The following RACGAP1 variants were observed in gnomAD, a reference collection of about 807,000 sequenced individuals.
The protein encoded by RACGAP1 is Rac GTPase activating protein 1.
Under a neutral mutation model 78.1 loss-of-function variants are expected in RACGAP1, and 30 were observed. That is an observed-to-expected ratio of 0.38 (90% confidence interval 0.29 to 0.52). RACGAP1 has a LOEUF of 0.52. RACGAP1 is among the 20% of genes least tolerant of loss of function. The pLI, the probability that RACGAP1 is intolerant of heterozygous loss-of-function variation, is 0.82. For synonymous variants in RACGAP1, 231 were observed against 264.8 expected, an observed-to-expected ratio of 0.87 and a Z score of 1.24; for missense variants, 587 against 777.1, an observed-to-expected ratio of 0.76 and a Z score of 2.91.
intron 1 of RACGAP1, among the ~76,000 whole-genome samples, chr12:50,020,017 CT>C (rs1949917973): frequency 6.6e-6 from 1 of 152,128 alleles, no homozygotes; most frequent in African/African-American, 2.4e-5. Flanking sequence ...GTTTTCCCCC[CT>C]AGGCTGTCTC....
At position 50,025,469 on chromosome 12, in the gene RACGAP1, C is replaced by G; in HGVS notation, c.-76G>C. 5 of 985,706 alleles carry G rather than the reference C, an allele frequency of 5.1e-6. No individual in the cohort carries two copies. Among genetic ancestry groups the G allele is most frequent in the Non-Finnish European group, 6.0e-6 (5 of 830,150 alleles). The allele number at this position is 985,706 out of a possible 1,614,324, so 61.1% of individuals were successfully genotyped here. A position where few individuals can be genotyped will look rare whatever the true frequency, so the allele number is the denominator to read the frequency against. On this transcript the variant is annotated 5_prime_UTR_variant, in exon 1 of 17. Transcript: ENST00000312377. ...GCCTCACCCAACGGCAGAGCAGCGC[C>G]GCGCCCACAGCTCCGGTTTGAAAAC...
At chr12:49,999,094 C>T (rs1476140891) in intron 9 of RACGAP1, 47 bp downstream of exon 9, 1 of 1,542,342 alleles carries the variant, frequency 6.5e-7, no homozygotes, top group South Asian at 1.3e-5. Context: ...GTATTTATTA[C>T]TTTCACAATT....
At chr12:50,001,664 A>G (rs1452632756) in intron 6 of RACGAP1, among the ~76,000 whole-genome samples, 1 of 152,234 alleles carries the variant, frequency 6.6e-6, no homozygotes, top group Non-Finnish European at 1.5e-5. Flanking sequence ...AATTCATATG[A>G]CAATTCAAAA....
intron 2 of RACGAP1, among the ~76,000 whole-genome samples, chr12:50,008,620 G>A (rs1172112790): frequency 6.6e-6 from 1 of 151,980 alleles, no homozygotes; most frequent in Admixed American, 6.6e-5. Flanking sequence ...AGCTTCCTGA[G>A]TAACTGGGAC....
At chr12:50,015,160 A>G (rs1949588294) in intron 2 of RACGAP1, among the ~76,000 whole-genome samples, 1 of 151,820 alleles carries the variant, frequency 6.6e-6, no homozygotes, top group Admixed American at 6.6e-5. Flanking sequence ...GATTACAAGC[A>G]TGAGCCACTA....
At chr12:50,017,541 T>C (rs1050194748) in intron 1 of RACGAP1, among the ~76,000 whole-genome samples, 1 of 152,204 alleles carries the variant, frequency 6.6e-6, no homozygotes, top group East Asian at 1.9e-4. Flanking sequence ...CCAAATAGAC[T>C]TTAACTGGGA....
At chr12:50,016,210 C>T (rs1012026371) in intron 2 of RACGAP1, among the ~76,000 whole-genome samples, 10 of 151,880 alleles carry the variant, frequency 6.6e-5, no homozygotes, top group Non-Finnish European at 1.2e-4. Flanking sequence ...GGCAAAATCC[C>T]GTCTCTACTA....
chr12:50,024,801 A>G (rs905435356), intron 1 of RACGAP1, among the ~76,000 whole-genome samples: 7 of 151,830 alleles, frequency 4.6e-5, no homozygotes, highest in South Asian at 2.1e-4. Flanking sequence ...AAAAAAAAAA[A>G]GGGCTTATCT....
intron 4 of RACGAP1, among the ~76,000 whole-genome samples, chr12:50,004,718 C>T (rs1428520732): frequency 6.6e-6 from 1 of 152,202 alleles, no homozygotes; most frequent in Non-Finnish European, 1.5e-5. Flanking sequence ...TAAGCCTGTA[C>T]ATCTTCTTAG....
intron 2 of RACGAP1, among the ~76,000 whole-genome samples, chr12:50,031,100 A>C (rs966391557): frequency 1.5e-4 from 23 of 152,060 alleles, no homozygotes; most frequent in African/African-American, 5.6e-4. Flanking sequence ...AACTTGAAAA[A>C]AAATGTTAAA....
chr12:50,025,340 C>G, intron 1 of RACGAP1, 58 bp downstream of exon 1: 1 of 985,848 alleles, frequency 1.0e-6, no homozygotes, highest in Non-Finnish European at 1.2e-6. Flanking sequence ...CACGAACACT[C>G]TGCTTCCTAT....
chr12:49,997,166 C>G lies in RACGAP1; in HGVS notation c.918G>C (p.Arg306=), dbSNP rs1173179704. 6 of 1,608,452 alleles carry G rather than the reference C, an allele frequency of 3.7e-6. No homozygotes were observed. In the South Asian group the frequency reaches 5.5e-5, roughly 15 times the overall value. The stretch of plus-strand genomic sequence containing the variant: ...TCAGAGATAATTTGCCAAATTTTAT[C>G]CGCTTTCCACATGGAACACAGGATT... The part of the protein sequence containing the change: ...KPESCVPCGK[R]IKFGKLSLKC... The change falls in exon 10 of 17, where the codon CGG becomes CGC. Residue 306 remains arginine (R), a synonymous_variant. Transcript: ENST00000312377.
chr12:49,992,971 G>A (rs533539674), intron 12 of RACGAP1, among the ~76,000 whole-genome samples: 32 of 152,188 alleles, frequency 2.1e-4, no homozygotes, highest in Non-Finnish European at 4.4e-4. Flanking sequence ...ATATTTAAGG[G>A]CCTACGATGT....
intron 1 of RACGAP1, among the ~76,000 whole-genome samples, chr12:50,023,324 A>T (rs535282162): frequency 6.6e-6 from 1 of 152,368 alleles, no homozygotes; most frequent in East Asian, 1.9e-4. Flanking sequence ...GTATAGGCTT[A>T]CCAGACTCAC....
intron 5 of RACGAP1, 49 bp from the exon 6 acceptor site, chr12:50,002,349 C>T: frequency 6.7e-7 from 1 of 1,498,048 alleles, no homozygotes; most frequent in Non-Finnish European, 9.2e-7. Flanking sequence ...TAGGCCATCC[C>T]TAAACCCTGT....
rs1197357619 is a variant in RACGAP1, at chr12:49,991,479, ATTTTTTTTTT to A, written c.1714+509_1714+518del. 7.9e-4 allele frequency among the ~76,000 whole-genome samples: 19 copies of A among 24,092 alleles called. 1 individual carries two copies. The highest frequency in any genetic ancestry group is 1.2e-3 in the Admixed American group (2 of 1,734). The allele number at this position is 24,092 out of a possible 152,430, so 15.8% of individuals were successfully genotyped here. A position where few individuals can be genotyped will look rare whatever the true frequency, so the allele number is the denominator to read the frequency against. On this transcript the variant is annotated intron_variant, in intron 15 of 16. Transcript: ENST00000312377. ...CTATTATATATATATATATATATATATTTTTTTTTTTTTTTTTTTTTTTTTTTTAGACAGA... is the reference window on the plus strand; with the variant it reads ...CTATTATATATATATATATATATATATTTTTTTTTTTTTTTTTTAGACAGA...
At chr12:50,025,243 C>T (rs1322104251) in intron 1 of RACGAP1, 155 bp downstream of exon 1, 2 of 948,882 alleles carry the variant, frequency 2.1e-6, no homozygotes, top group African/African-American at 3.5e-5. Flanking sequence ...ACCCCCACCC[C>T]AGAAAAGCCC....
Position 50,025,426 on chromosome 12 carries a change from C to T in RACGAP1, c.-33G>A. On this transcript the variant is annotated 5_prime_UTR_variant, in exon 1 of 17. In the 5' UTR this introduces an upstream ATG that the reference lacks. Coordinates refer to ENST00000312377, the MANE Select transcript of RACGAP1 (RefSeq NM_001319999.2). ...AGTCAGCCTGGCCCCACCTGGGCCA[C>T]CCTTCACTTCGCTCCGCGCCTCACC... The T allele has an allele frequency of 1.0e-6, 1 of 985,722 alleles. No homozygotes were observed. Among genetic ancestry groups the T allele is most frequent in the South Asian group, 4.7e-5 (1 of 21,304 alleles). 61.1% of individuals were successfully genotyped at this position (985,722 alleles called of 1,614,324 possible). A position where few individuals can be genotyped will look rare whatever the true frequency, so the allele number is the denominator to read the frequency against.
In RACGAP1 at chr12:49,990,755, C is replaced by G. The variant is rs918532119; in HGVS notation, c.1752G>C (p.Gln584His). The G allele has an allele frequency of 1.2e-6, 2 of 1,614,006 alleles. No individual in the cohort carries two copies. Among genetic ancestry groups the G allele is most frequent in the Middle Eastern group, 1.6e-4 (1 of 6,062 alleles). Residue 584 changes from glutamine to histidine, a missense_variant, in exon 16 of 17, where the codon CAG becomes CAC. Transcript: ENST00000312377. Reference sequence around the variant, plus strand: ...AACTAGATGAAGGAGTCTTGAGAAGCTGATGTTCAGGAGTGGTCACAGGTC... The same window carrying G: ...AACTAGATGAAGGAGTCTTGAGAAGGTGATGTTCAGGAGTGGTCACAGGTC... Reference protein sequence around the residue: ...LLGPVTTPEHQLLKTPSSSSL... With the variant: ...LLGPVTTPEHHLLKTPSSSSL...
Sources: allele counts gnomAD v4.1 joint callset (sites outside exome capture counted in the v4.1 genomes callset), GRCh38; gene constraint gnomAD v4.1.1; transcripts MANE v1.5; gene names NCBI Gene and HGNC (gene_info 2026-07-23, HGNC 2026-07-21).